Variants in STRIP2 observed in about 807,000 individuals in gnomAD.
STRIP2 encodes striatin-interacting protein 2.
STRIP2 carries 84 observed loss-of-function variants against 107.1 expected under a neutral mutation model. That is an observed-to-expected ratio of 0.78 (90% CI 0.66 to 0.94). The LOEUF (loss-of-function observed/expected upper bound fraction) is 0.94, where lower values mean the gene tolerates loss of function less well. Ranked by LOEUF, STRIP2 falls within the 40% of genes least tolerant of loss-of-function variation. The pLI, the probability that STRIP2 is intolerant of heterozygous loss-of-function variation, is 0.00. For synonymous variants in STRIP2, 394 were observed against 400.4 expected (o/e 0.98, Z 0.19); for missense variants, 888 against 1,034.2 (o/e 0.86, Z 1.94).
intron 18 of STRIP2, among the ~76,000 whole-genome samples, chr7:129,480,309 A>G (rs528756577): frequency 3.9e-5 from 6 of 152,272 alleles, no homozygotes; most frequent in Admixed American, 3.9e-4. Context: ...TAACTGTAAT[A>G]TGGTTTGATA....
chr7:129,454,597 A>C, intron 7 of STRIP2, 70 bp downstream of exon 7: 1 of 949,646 alleles, frequency 1.1e-6, no homozygotes, highest in Non-Finnish European at 1.7e-6. Flanking sequence ...GCATCTGCCT[A>C]GGAGAGGCAG....
chr7:129,436,246 T>C (rs1936531104), intron 1 of STRIP2, among the ~76,000 whole-genome samples: 2 of 152,208 alleles, frequency 1.3e-5, no homozygotes, highest in Non-Finnish European at 2.9e-5. Flanking sequence ...TCTTCGCCCA[T>C]GGGGAGACAA....
intron 18 of STRIP2, among the ~76,000 whole-genome samples, chr7:129,471,420 C>T (rs1349403): frequency 0.2 from 30,302 of 152,006 alleles, 3,895 homozygotes; most frequent in Non-Finnish European, 0.28. Flanking sequence ...ACTGTAGAAT[C>T]CTTGAATGAA....
chr7:129,472,775 CCTTTTTTTTTTTTTT>C (rs1281244291), intron 18 of STRIP2, among the ~76,000 whole-genome samples: 4 of 68,904 alleles, frequency 5.8e-5, no homozygotes, highest in East Asian at 4.4e-4. Context: ...CTTTTCTTTT[CCTTTTTTTTTTTTTT>C]TTTTTTTTTT....
chr7:129,483,033 G>A lies in STRIP2; in HGVS notation c.2241G>A (p.Trp747Ter). 6.2e-7 allele frequency: 1 copy of A among 1,614,102 alleles called. No individual in the cohort carries two copies. The highest frequency in any genetic ancestry group is 8.5e-7 in the Non-Finnish European group (1 of 1,180,014). ...QKVRHRMNDD[W>*]AYGNDIDARP... ...TGCGTCACCGCATGAACGATGACTGGGCTTACGGGAATGGTGAGTCTTCCC... is the reference window on the plus strand; with the variant it reads ...TGCGTCACCGCATGAACGATGACTGAGCTTACGGGAATGGTGAGTCTTCCC... The change falls in exon 20 of 21, where the codon TGG becomes TGA. Residue 747 changes from tryptophan to a stop codon, truncating the protein, a stop_gained. Transcript: ENST00000249344. LOFTEE classifies it high-confidence loss of function. The surrounding 1 kb of genome is among the most constrained non-coding windows in gnomAD (Gnocchi z 5.1).
At chr7:129,475,149 T>G (rs1798882184) in intron 18 of STRIP2, among the ~76,000 whole-genome samples, 1 of 152,136 alleles carries the variant, frequency 6.6e-6, no homozygotes, top group South Asian at 2.1e-4. Context: ...ATGTGGAAGT[T>G]AAGTGTGGTC....
rs1799101764 is a variant in STRIP2 at position 129,480,952 on chromosome 7, T to C, written c.2049+63T>C. 3 of 1,287,054 alleles carry C rather than the reference T, an allele frequency of 2.3e-6. No homozygotes were observed. In the East Asian group the frequency reaches 7.0e-5, roughly 30 times the overall value. The allele number at this position is 1,287,054 out of a possible 1,614,324, so 79.7% of individuals were successfully genotyped here. A position where few individuals can be genotyped will look rare whatever the true frequency, so the allele number is the denominator to read the frequency against. On this transcript the variant is annotated intron_variant, in intron 19 of 20. Coordinates refer to ENST00000249344, the MANE Select transcript of STRIP2 (RefSeq NM_020704.3). ...GACTGAATTTTTAAAAGATCACTAG[T>C]AAATATTTGTGTGCTACCTGGTTTG...
chr7:129,446,122 G>A (rs1051899282), intron 3 of STRIP2, among the ~76,000 whole-genome samples: 3 of 152,142 alleles, frequency 2.0e-5, no homozygotes, highest in Non-Finnish European at 2.9e-5. Flanking sequence ...GAGCCCATGC[G>A]TAACTTCCGT....
In STRIP2 at chr7:129,480,897, T is replaced by C. The variant is rs1275987766; in HGVS notation, c.2049+8T>C. On this transcript the variant is annotated splice_region_variant and intron_variant, in intron 19 of 20. Transcript: ENST00000249344. ...AAACATTCCCGGACCATGGTGAGTG[T>C]GGTTTTTTACATCATGGAGTTGTCC... 6.2e-7 allele frequency: 1 copy of C among 1,604,370 alleles called. No individual in the cohort carries two copies. Among genetic ancestry groups the C allele is most frequent in the Non-Finnish European group, 8.5e-7 (1 of 1,175,656 alleles).
intron 18 of STRIP2, among the ~76,000 whole-genome samples, chr7:129,474,737 C>T (rs1371672551): frequency 6.6e-6 from 1 of 151,710 alleles, no homozygotes; most frequent in East Asian, 1.9e-4. Flanking sequence ...GTCTTGAACT[C>T]CTGACCACAA....
intron 20 of STRIP2, 109 bp from the exon 21 acceptor site, chr7:129,485,470 A>AG: frequency 2.4e-6 from 3 of 1,276,360 alleles, no homozygotes; most frequent in Non-Finnish European, 2.1e-6. Context: ...AAAAAAAAAA[A>AG]AAGAATTTCT....
chr7:129,469,418 A>G (rs6943021), intron 17 of STRIP2, among the ~76,000 whole-genome samples: 47,125 of 152,144 alleles, frequency 0.31, 8,538 homozygotes, highest in East Asian at 0.6. Context: ...CTAGATTTCA[A>G]TTCACTAAGA....
intron 19 of STRIP2, among the ~76,000 whole-genome samples, chr7:129,482,535 G>A (rs964513132): frequency 4.0e-5 from 6 of 151,618 alleles, no homozygotes; most frequent in South Asian, 4.2e-4. Context: ...ATGCCACCAC[G>A]CCTGGCTAAT....
Position 129,453,276 on chromosome 7 carries a change from G to C in STRIP2, c.459G>C (p.Arg153Ser), listed in dbSNP as rs1315570732. 6.2e-7 allele frequency: 1 copy of C among 1,614,116 alleles called. No homozygotes were observed. Among genetic ancestry groups the C allele is most frequent in the Non-Finnish European group, 8.5e-7 (1 of 1,180,024 alleles). The change falls in exon 5 of 21, where the codon AGG becomes AGC. Residue 153 changes from arginine (R) to serine (S), a missense_variant. Arg to Ser is a moderately radical substitution (Grantham distance 110). Transcript: ENST00000249344. ...AGGTCGATGTGCTACACTGGTCCAG[G>C]TACAACTGCTTCCTGCTGTATCAGA... is the stretch of plus-strand genomic sequence containing the variant. ...DSEVDVLHWS[R>S]YNCFLLYQMG...
Position 129,464,732 on chromosome 7 carries a change from C to T in STRIP2, c.1770C>T (p.Ile590=). Reference sequence around the variant, plus strand: ...TCAAACACTTCAAACTCAACCATATCTACCAGGTGAGCAGCTAGGAGCACT... The same window carrying T: ...TCAAACACTTCAAACTCAACCATATTTACCAGGTGAGCAGCTAGGAGCACT... ...LLLKHFKLNH[I]YQFEYVSQHL... The change falls in exon 16 of 21, where the codon ATC becomes ATT. Residue 590 remains isoleucine, a synonymous_variant. Transcript: ENST00000249344. 6.2e-7 allele frequency: 1 copy of T among 1,614,158 alleles called. No homozygotes were observed. The highest frequency in any genetic ancestry group is 8.5e-7 in the Non-Finnish European group (1 of 1,180,014).
rs541917995 is a variant in STRIP2, at chr7:129,471,665, G to A, written c.1944+950G>A. 4.6e-5 allele frequency among the ~76,000 whole-genome samples: 7 copies of A among 152,266 alleles called. No homozygotes were observed. The South Asian group carries it at 1.5e-3, about 32-fold the overall frequency. ...GAACCATGGGATTCTTGGCTGGAGG[G>A]GACTTAAGAGCCATTTGATCCAACC... is the stretch of plus-strand genomic sequence containing the variant. On this transcript the variant is annotated intron_variant, in intron 18 of 20. Coordinates refer to ENST00000249344, the MANE Select transcript of STRIP2 (RefSeq NM_020704.3).
chr7:129,463,163 G>T, intron 14 of STRIP2, 123 bp downstream of exon 14: 1 of 731,344 alleles, frequency 1.4e-6, no homozygotes, highest in Non-Finnish European at 2.2e-6. Flanking sequence ...CCTTTGGCAA[G>T]GCATTCTCTG....
chr7:129,460,424 A>G, intron 13 of STRIP2, 52 bp downstream of exon 13: 1 of 1,487,268 alleles, frequency 6.7e-7, no homozygotes, highest in Non-Finnish European at 9.3e-7. Context: ...ACCTGTCTTC[A>G]GTGTTGTCAC....
intron 3 of STRIP2, among the ~76,000 whole-genome samples, chr7:129,449,208 C>T (rs1798117510): frequency 6.6e-6 from 1 of 152,210 alleles, no homozygotes; most frequent in Non-Finnish European, 1.5e-5. Flanking sequence ...GTTCCTTCCT[C>T]CATCATCCCA....
Sources: allele counts gnomAD v4.1 joint callset (sites outside exome capture counted in the v4.1 genomes callset), GRCh38; gene constraint gnomAD v4.1.1; non-coding constraint Gnocchi (gnomAD v3.1); transcripts MANE v1.5; gene names NCBI Gene and HGNC (gene_info 2026-07-23, HGNC 2026-07-21).